The following EGFLAM variants were observed in gnomAD, a reference collection of about 807,000 sequenced individuals.
The protein encoded by EGFLAM is EGF like, fibronectin type III and laminin G domains.
Under a neutral mutation model 113.1 loss-of-function variants are expected in EGFLAM, and 79 were observed. The ratio of observed to expected loss-of-function variants is 0.70; its 90% CI spans 0.58 to 0.84. The LOEUF (loss-of-function observed/expected upper bound fraction) is 0.84, where lower values mean the gene tolerates loss of function less well. Ranked by LOEUF, EGFLAM falls within the 40% of genes least tolerant of loss-of-function variation. The probability of loss-of-function intolerance (pLI) is 0.00; values close to 1 mark genes in which losing one functional copy is unlikely to be tolerated. For missense variants in EGFLAM, 1,265 were observed against 1,291.6 expected, an observed-to-expected ratio of 0.98 and a Z score of 0.32; for synonymous variants, 504 against 487.6, an observed-to-expected ratio of 1.03 and a Z score of -0.44.
chr5:38,460,700 G>A (rs6890532), intron 20 of EGFLAM, among the ~76,000 whole-genome samples: 14,901 of 152,278 alleles, frequency 0.098, 2,359 homozygotes, highest in African/African-American at 0.33. Flanking sequence ...TGTGAGTTGT[G>A]AGCAGACAGG....
At chr5:38,380,059 A>G (rs1407503413) in intron 6 of EGFLAM, among the ~76,000 whole-genome samples, 1 of 152,232 alleles carries the variant, frequency 6.6e-6, no homozygotes. Context: ...AAAACTATTT[A>G]TGCACACTGA....
Position 38,464,051 on chromosome 5 carries a change from C to T in EGFLAM, c.*65C>T. ...TGAGAATCCCAGGGGCCCTCAGACCCTGCCTGATGCTATATGCAGAGGCCC... is the reference window on the plus strand; with the variant it reads ...TGAGAATCCCAGGGGCCCTCAGACCTTGCCTGATGCTATATGCAGAGGCCC... On this transcript the variant is annotated 3_prime_UTR_variant, in exon 22 of 22. Transcript: ENST00000322350. 1 of 1,597,206 alleles carries T rather than the reference C, an allele frequency of 6.3e-7. No individual in the cohort carries two copies.
chr5:38,258,919 C>G, intron 1 of EGFLAM, 68 bp downstream of exon 1: 1 of 1,491,796 alleles, frequency 6.7e-7, no homozygotes, highest in Non-Finnish European at 9.0e-7. Context: ...GGCGAGGACA[C>G]AGAGCGGGCA....
intron 6 of EGFLAM, among the ~76,000 whole-genome samples, chr5:38,404,606 A>C (rs748843959): frequency 1.3e-5 from 2 of 152,212 alleles, no homozygotes; most frequent in Non-Finnish European, 1.5e-5. Context: ...AAATGTCTTT[A>C]AGTTTAGTTT....
chr5:38,439,449 G>A (rs2112229958), intron 17 of EGFLAM, among the ~76,000 whole-genome samples: 1 of 151,804 alleles, frequency 6.6e-6, no homozygotes, highest in South Asian at 2.1e-4. Context: ...AATGTGCACT[G>A]TCTTTCTTAT....
Position 38,370,408 on chromosome 5 carries a change from A to T in EGFLAM, c.658A>T (p.Asn220Tyr), listed in dbSNP as rs750588565. The change falls in exon 6 of 22, where the codon AAT (asparagine) becomes TAT (tyrosine). Residue 220 changes from asparagine to tyrosine, a missense_variant. Physicochemically the swap from Asn to Tyr is moderately radical, Grantham distance 143. Coordinates refer to ENST00000322350, the MANE Select transcript of EGFLAM (RefSeq NM_152403.4). ...CTACCAGTTTGCCGTGAGGGCAATG[A>T]ATTCCCATGGCCCCAGCCCCCGCAG... ...TNYQFAVRAM[N>Y]SHGPSPRSWP... is the part of the protein sequence containing the mutation. The T allele has an allele frequency of 2.5e-6, 4 of 1,614,080 alleles. No individual in the cohort carries two copies. In the African/African-American group the frequency reaches 5.3e-5, roughly 22 times the overall value.
intron 1 of EGFLAM, among the ~76,000 whole-genome samples, chr5:38,328,681 C>A (rs1579778572): frequency 6.8e-6 from 1 of 146,470 alleles, no homozygotes; most frequent in East Asian, 2.0e-4. Flanking sequence ...CGGTAACTAG[C>A]AAATTTGAAT....
At chr5:38,282,857 T>G (rs1758053541) in intron 1 of EGFLAM, among the ~76,000 whole-genome samples, 1 of 152,100 alleles carries the variant, frequency 6.6e-6, no homozygotes, top group South Asian at 2.1e-4. Flanking sequence ...TTGTTTGTTT[T>G]TTTCTGAGAC....
At chr5:38,440,732 C>T (rs1742506140) in intron 17 of EGFLAM, among the ~76,000 whole-genome samples, 1 of 152,144 alleles carries the variant, frequency 6.6e-6, no homozygotes, top group South Asian at 2.1e-4. Flanking sequence ...AAAACAAGAG[C>T]CTGTTCCCAG....
chr5:38,342,998 TAGAG>T (rs952012560), intron 3 of EGFLAM, among the ~76,000 whole-genome samples: 1 of 152,106 alleles, frequency 6.6e-6, no homozygotes, highest in Non-Finnish European at 1.5e-5. Flanking sequence ...ACCCAGAACT[TAGAG>T]AGAGAAAACT....
intron 1 of EGFLAM, among the ~76,000 whole-genome samples, chr5:38,318,734 C>T (rs968874448): frequency 3.3e-5 from 5 of 152,066 alleles, no homozygotes; most frequent in Admixed American, 6.6e-5. Context: ...GAACTCCTGA[C>T]CTCAGGTGAT....
chr5:38,360,543 TA>T (rs1168452436), intron 5 of EGFLAM, among the ~76,000 whole-genome samples: 21 of 152,234 alleles, frequency 1.4e-4, no homozygotes, highest in Admixed American at 9.2e-4. Flanking sequence ...CTGGACTCCC[TA>T]GTGCAAACCT....
intron 1 of EGFLAM, among the ~76,000 whole-genome samples, chr5:38,318,609 G>A (rs1738661413): frequency 6.6e-6 from 1 of 151,908 alleles, no homozygotes; most frequent in Non-Finnish European, 1.5e-5. Context: ...CCAGGTTCAA[G>A]CGATTCACCT....
intron 1 of EGFLAM, among the ~76,000 whole-genome samples, chr5:38,336,444 A>G (rs760246976): frequency 3.3e-5 from 5 of 152,142 alleles, no homozygotes; most frequent in Non-Finnish European, 7.4e-5. Flanking sequence ...CATGGTGGCG[A>G]GCTCCTGTAG....
intron 15 of EGFLAM, among the ~76,000 whole-genome samples, chr5:38,434,164 C>T (rs779906990): frequency 1.3e-5 from 2 of 152,200 alleles, no homozygotes; most frequent in Admixed American, 6.5e-5. Context: ...GGCCCCCTCT[C>T]GCCTGTGCCT....
chr5:38,437,764 C>T (rs1742395494), intron 16 of EGFLAM, among the ~76,000 whole-genome samples: 1 of 152,140 alleles, frequency 6.6e-6, no homozygotes, highest in South Asian at 2.1e-4. Context: ...CGCGTCACTC[C>T]GCAGATTCTC....
At position 38,424,235 on chromosome 5, in the gene EGFLAM, A is replaced by T. The variant is rs12657430; in HGVS notation, c.1685-732A>T. The stretch of plus-strand genomic sequence containing the variant: ...TTCCTCTGATGACCTGCACTTGAAA[A>T]TGACAAAGGATACCCTTTCTGGATC... On this transcript the variant is annotated intron_variant, in intron 12 of 21. Coordinates refer to ENST00000322350, the MANE Select transcript of EGFLAM (RefSeq NM_152403.4). Among the ~76,000 whole-genome samples the T allele has an allele frequency of 3.9e-5, 6 of 152,366 alleles. No individual in the cohort carries two copies. In the East Asian group the frequency reaches 1.2e-3, roughly 29 times the overall value.
chr5:38,389,730 A>G (rs1028708875), intron 6 of EGFLAM, among the ~76,000 whole-genome samples: 2 of 152,060 alleles, frequency 1.3e-5, no homozygotes, highest in African/African-American at 4.8e-5. Context: ...GTAAATATCA[A>G]AGAAACACTC....
intron 1 of EGFLAM, among the ~76,000 whole-genome samples, chr5:38,318,132 G>C (rs1242763407): frequency 6.6e-6 from 1 of 152,120 alleles, no homozygotes; most frequent in East Asian, 1.9e-4. Context: ...CCTCATGGAA[G>C]AGAGTCTCCT....
Sources: allele counts gnomAD v4.1 joint callset (sites outside exome capture counted in the v4.1 genomes callset), GRCh38; gene constraint gnomAD v4.1.1; transcripts MANE v1.5; gene names NCBI Gene and HGNC (gene_info 2026-07-23, HGNC 2026-07-21).